Variants in TRDN observed in about 807,000 individuals in gnomAD.
TRDN encodes triadin in skeletal muscle.
In TRDN, 161 loss-of-function variants were observed where a neutral mutation model predicts 149.7. The ratio of observed to expected loss-of-function variants is 1.08; its 90% CI spans 0.95 to 1.23. The LOEUF (loss-of-function observed/expected upper bound fraction) is 1.23. Ranked by LOEUF, TRDN falls within the 50% of genes most tolerant of loss-of-function variation. The probability of loss-of-function intolerance (pLI) is 0.00; values close to 1 mark genes in which losing one functional copy is unlikely to be tolerated. For missense variants in TRDN, 896 were observed against 823.5 expected, an observed-to-expected ratio of 1.09 and a Z score of -1.08; for synonymous variants, 294 against 250.5, an observed-to-expected ratio of 1.17 and a Z score of -1.64.
At chr6:123,580,254 C>T (rs763730439) in intron 1 of TRDN, among the ~76,000 whole-genome samples, 1 of 152,050 alleles carries the variant, frequency 6.6e-6, no homozygotes, top group Non-Finnish European at 1.5e-5. Flanking sequence ...CCATTCAGAA[C>T]ACTATTTTTT....
At chr6:123,541,718 G>A (rs1478909179) in intron 4 of TRDN, among the ~76,000 whole-genome samples, 1 of 152,034 alleles carries the variant, frequency 6.6e-6, no homozygotes, top group African/African-American at 2.4e-5. Flanking sequence ...ATGTTACTAG[G>A]GCTACCTAGT....
At chr6:123,250,047 A>G (rs906642698) in intron 38 of TRDN, among the ~76,000 whole-genome samples, 1 of 152,144 alleles carries the variant, frequency 6.6e-6, no homozygotes. Context: ...ATTTCCATAC[A>G]CCAATAATGA....
intron 24 of TRDN, among the ~76,000 whole-genome samples, chr6:123,298,511 G>A (rs1778288569): frequency 6.6e-6 from 1 of 151,842 alleles, no homozygotes; most frequent in Non-Finnish European, 1.5e-5. Flanking sequence ...CATTCTAATT[G>A]CAATGATCTG....
chr6:123,349,731 G>T, intron 21 of TRDN: 1 of 982,256 alleles, frequency 1.0e-6, no homozygotes, highest in Non-Finnish European at 1.2e-6. Flanking sequence ...ATTACTCTTA[G>T]ATATTATTAG....
chr6:123,255,971 G>T (rs1776542947), intron 35 of TRDN, 69 bp from the exon 36 acceptor site: 2 of 918,596 alleles, frequency 2.2e-6, no homozygotes, highest in Non-Finnish European at 1.4e-6. Flanking sequence ...TTAAGTTCTG[G>T]GATACATGTG....
intron 24 of TRDN, among the ~76,000 whole-genome samples, chr6:123,298,480 A>T (rs1002149001): frequency 6.6e-6 from 1 of 152,036 alleles, no homozygotes; most frequent in Non-Finnish European, 1.5e-5. Context: ...TCAACATCTT[A>T]TGTAAGTCGC....
chr6:123,224,899 T>C (rs1344838419), intron 38 of TRDN, among the ~76,000 whole-genome samples: 1 of 151,540 alleles, frequency 6.6e-6, no homozygotes, highest in Non-Finnish European at 1.5e-5. Context: ...AAATAAACGA[T>C]TGGAACTATA....
intron 7 of TRDN, among the ~76,000 whole-genome samples, chr6:123,506,285 T>A (rs1259595949): frequency 6.6e-6 from 1 of 152,114 alleles, no homozygotes; most frequent in Admixed American, 6.5e-5. Flanking sequence ...CACAGCAAAA[T>A]TAAAACCGTG....
intron 10 of TRDN, among the ~76,000 whole-genome samples, chr6:123,445,813 T>C (rs1420279916): frequency 8.3e-6 from 1 of 121,096 alleles, no homozygotes; most frequent in Non-Finnish European, 1.7e-5. Context: ...TCAACCATTG[T>C]GGAAGTCAGT....
chr6:123,289,697 G>A (rs751174766), intron 24 of TRDN, among the ~76,000 whole-genome samples: 1 of 152,088 alleles, frequency 6.6e-6, no homozygotes, highest in Non-Finnish European at 1.5e-5. Context: ...TTGAAAGTGG[G>A]TATAAATATG....
chr6:123,474,461 C>A (rs1160453219), intron 9 of TRDN, among the ~76,000 whole-genome samples: 5 of 151,882 alleles, frequency 3.3e-5, no homozygotes, highest in Non-Finnish European at 7.4e-5. Flanking sequence ...ACTTAGACTC[C>A]CACACATTAA....
At chr6:123,527,079 A>G (rs968702831) in intron 5 of TRDN, among the ~76,000 whole-genome samples, 33 of 151,986 alleles carry the variant, frequency 2.2e-4, no homozygotes, top group African/African-American at 7.5e-4. Context: ...ACATAGCCAG[A>G]AGTTACCAAA....
intron 24 of TRDN, among the ~76,000 whole-genome samples, chr6:123,288,941 T>C (rs911613168): frequency 6.6e-6 from 1 of 151,666 alleles, no homozygotes; most frequent in East Asian, 1.9e-4. Context: ...AACTCCCATG[T>C]TCATTTCAGC....
At chr6:123,585,531 C>G (rs753279898) in intron 1 of TRDN, among the ~76,000 whole-genome samples, 1 of 152,018 alleles carries the variant, frequency 6.6e-6, no homozygotes, top group Non-Finnish European at 1.5e-5. Context: ...AGGGGGCTTC[C>G]GAGGCGATTG....
intron 1 of TRDN, among the ~76,000 whole-genome samples, chr6:123,624,968 T>A (rs1269771459): frequency 6.6e-6 from 1 of 152,002 alleles, no homozygotes; most frequent in Non-Finnish European, 1.5e-5. Flanking sequence ...AGTATTTAAA[T>A]CAGGAATTTT....
intron 13 of TRDN, 117 bp from the exon 14 acceptor site, chr6:123,388,668 C>A (rs1486106883): frequency 1.9e-6 from 2 of 1,054,320 alleles, no homozygotes; most frequent in Non-Finnish European, 1.4e-6. Context: ...ATACACTAAT[C>A]AATTCATCCA....
At chr6:123,557,058 C>A (rs574697663) in intron 2 of TRDN, among the ~76,000 whole-genome samples, 6 of 151,812 alleles carry the variant, frequency 4.0e-5, no homozygotes, top group Admixed American at 6.6e-5. Flanking sequence ...TGTGACCCCC[C>A]CACCCCTGCC....
At chr6:123,385,007 C>T (rs978704912) in intron 14 of TRDN, among the ~76,000 whole-genome samples, 3 of 152,168 alleles carry the variant, frequency 2.0e-5, no homozygotes, top group Admixed American at 6.5e-5. Flanking sequence ...CTTTTAAGAA[C>T]ATTGAGGCTC....
chr6:123,481,482 C>T (rs1381489580), intron 9 of TRDN, among the ~76,000 whole-genome samples: 2 of 151,206 alleles, frequency 1.3e-5, no homozygotes, highest in Admixed American at 1.3e-4. Flanking sequence ...TTGTAATCCT[C>T]CCTAAGTCCT....
Sources: allele counts gnomAD v4.1 joint callset (sites outside exome capture counted in the v4.1 genomes callset), GRCh38; gene constraint gnomAD v4.1.1; transcripts MANE v1.5; gene names NCBI Gene and HGNC (gene_info 2026-07-23, HGNC 2026-07-21).